SNX29: variants seen among roughly 807,000 people sequenced by gnomAD.
The protein encoded by SNX29 is sorting nexin-29.
A neutral mutation model predicts 102.1 loss-of-function variants in SNX29; 78 were observed. That is an observed-to-expected ratio of 0.76 (90% CI 0.64 to 0.92). SNX29 has a LOEUF of 0.92. Ranked by LOEUF, SNX29 falls within the 40% of genes least tolerant of loss-of-function variation. SNX29 has a pLI of 0.00. For missense variants in SNX29, 1,280 were observed against 1,061.7 expected (o/e 1.21, Z -2.86); for synonymous variants, 580 against 414.5 (o/e 1.40, Z -4.85).
intron 20 of SNX29, among the ~76,000 whole-genome samples, chr16:12,534,181 C>G (rs897283341): frequency 3.3e-5 from 5 of 152,222 alleles, no homozygotes; most frequent in Admixed American, 6.5e-5. Context: ...TGACTGAGGT[C>G]TTCATAAGAG....
intron 14 of SNX29, among the ~76,000 whole-genome samples, chr16:12,230,122 A>C (rs1477357819): frequency 6.6e-6 from 1 of 152,224 alleles, no homozygotes; most frequent in Non-Finnish European, 1.5e-5. Context: ...CATAGTTTGT[A>C]CACGTCTGTT....
intron 19 of SNX29, among the ~76,000 whole-genome samples, chr16:12,482,655 A>G (rs1054435919): frequency 1.3e-5 from 2 of 152,204 alleles, no homozygotes; most frequent in African/African-American, 4.8e-5. Context: ...AACCCATTAA[A>G]TGACTCACTG....
At chr16:12,396,270 A>AATCTG (rs1387792314) in intron 16 of SNX29, among the ~76,000 whole-genome samples, 8 of 152,320 alleles carry the variant, frequency 5.3e-5, no homozygotes, top group South Asian at 4.1e-4. Flanking sequence ...GTCCTTAAAA[A>AATCTG]ATCTGCCTTG....
At chr16:12,118,292 G>A (rs1452383370) in intron 11 of SNX29, among the ~76,000 whole-genome samples, 3 of 138,200 alleles carry the variant, frequency 2.2e-5, no homozygotes, top group African/African-American at 5.4e-5. Context: ...GAAGACTGTA[G>A]ATAGTAGATA....
chr16:12,502,198 C>T (rs2089158371), intron 19 of SNX29, among the ~76,000 whole-genome samples: 2 of 152,190 alleles, frequency 1.3e-5, no homozygotes, highest in Non-Finnish European at 2.9e-5. Context: ...TGGGCATTTA[C>T]CTCCTTTGGG....
chr16:12,399,759 G>A (rs2083866349), intron 17 of SNX29, among the ~76,000 whole-genome samples: 1 of 152,270 alleles, frequency 6.6e-6, no homozygotes, highest in Admixed American at 6.5e-5. Context: ...TAGGCTGATA[G>A]GGTGGAGAGG....
chr16:12,092,038 C>G lies in SNX29; in HGVS notation c.1402+13123C>G, dbSNP rs1001000683. On this transcript the variant is annotated intron_variant, in intron 11 of 20. Transcript: ENST00000566228. ...TGCTCCTGCAAGAGGCCCTCTTTCC[C>G]TGGCCGTCCATCTAGAAGAGCGCAG... Among the ~76,000 whole-genome samples the G allele has an allele frequency of 4.6e-5, 7 of 152,306 alleles. No homozygotes were observed. The East Asian group carries it at 1.4e-3, about 29-fold the overall frequency.
chr16:12,169,906 G>T (rs936948290), intron 13 of SNX29, among the ~76,000 whole-genome samples: 1 of 152,018 alleles, frequency 6.6e-6, no homozygotes, highest in Non-Finnish European at 1.5e-5. Flanking sequence ...CTCCCAAAGT[G>T]CTGGGATTAC....
intron 15 of SNX29, among the ~76,000 whole-genome samples, chr16:12,300,989 A>G (rs1314856567): frequency 1.3e-5 from 2 of 152,222 alleles, no homozygotes; most frequent in African/African-American, 4.8e-5. Flanking sequence ...GAATAAGGCC[A>G]GTGCAGAACT....
chr16:12,265,441 G>A (rs143709118), intron 14 of SNX29, among the ~76,000 whole-genome samples: 9 of 152,218 alleles, frequency 5.9e-5, no homozygotes, highest in Admixed American at 3.3e-4. Flanking sequence ...TCTTGGAAGC[G>A]AGACGCAGCT....
At chr16:12,180,808 T>C (rs1182342383) in intron 13 of SNX29, among the ~76,000 whole-genome samples, 1 of 152,162 alleles carries the variant, frequency 6.6e-6, no homozygotes, top group African/African-American at 2.4e-5. Context: ...TATGTGTAGT[T>C]AGGAAGTGAA....
intron 18 of SNX29, among the ~76,000 whole-genome samples, chr16:12,463,649 G>A (rs947855061): frequency 1.3e-5 from 2 of 152,158 alleles, no homozygotes; most frequent in African/African-American, 4.8e-5. Context: ...TGGGGATACA[G>A]AACCAAACCA....
intron 20 of SNX29, among the ~76,000 whole-genome samples, chr16:12,539,052 C>T (rs563229577): frequency 6.6e-6 from 1 of 152,196 alleles, no homozygotes; most frequent in Admixed American, 6.5e-5. Flanking sequence ...AAAGACATCA[C>T]TGTGTATTCT....
chr16:12,510,168 C>G (rs1231184333), intron 19 of SNX29, among the ~76,000 whole-genome samples: 3 of 152,186 alleles, frequency 2.0e-5, no homozygotes, highest in African/African-American at 7.2e-5. Context: ...ACGAGAATTC[C>G]TCTGGGAGAG....
At chr16:12,460,077 G>A (rs1457865827) in intron 18 of SNX29, among the ~76,000 whole-genome samples, 8 of 152,204 alleles carry the variant, frequency 5.3e-5, no homozygotes, top group Non-Finnish European at 2.9e-5. Context: ...TGGCAGGAGG[G>A]AGAGGGCCAT....
At chr16:12,559,140 C>T (rs1019689267) in intron 20 of SNX29, among the ~76,000 whole-genome samples, 20 of 152,124 alleles carry the variant, frequency 1.3e-4, no homozygotes, top group Non-Finnish European at 2.1e-4. Flanking sequence ...TCTTCTGGTC[C>T]CCAACCCCTG....
intron 14 of SNX29, among the ~76,000 whole-genome samples, chr16:12,265,849 C>A (rs2078913250): frequency 6.6e-6 from 1 of 151,946 alleles, no homozygotes; most frequent in East Asian, 1.9e-4. Flanking sequence ...ATGATTGTAT[C>A]ATTGCACTCC....
chr16:12,414,132 A>G (rs538683781), intron 18 of SNX29, among the ~76,000 whole-genome samples: 3 of 152,346 alleles, frequency 2.0e-5, no homozygotes, highest in South Asian at 4.1e-4. Context: ...GTAGAGATGC[A>G]CTTTTTTGAG....
At chr16:12,129,066 A>C (rs945033905) in intron 12 of SNX29, among the ~76,000 whole-genome samples, 1 of 152,256 alleles carries the variant, frequency 6.6e-6, no homozygotes, top group Non-Finnish European at 1.5e-5. Context: ...CTTTAGTGAT[A>C]TAAGATATTT....
Sources: gnomAD v4.1 joint callset for allele counts (sites outside exome capture counted in the v4.1 genomes callset) on GRCh38, gnomAD v4.1.1 for gene constraint, MANE v1.5 for transcripts, NCBI Gene and HGNC (gene_info 2026-07-23, HGNC 2026-07-21) for gene names.